The following GUCY2F variants were observed in gnomAD, a reference collection of about 807,000 sequenced individuals.
GUCY2F encodes the protein guanylate cyclase 2F, retinal.
GUCY2F carries 61 observed loss-of-function variants against 73.1 expected under a neutral mutation model. That is an observed-to-expected ratio of 0.83 (90% confidence interval 0.68 to 1.03). The LOEUF (loss-of-function observed/expected upper bound fraction) is 1.03, where lower values mean the gene tolerates loss of function less well. GUCY2F is among the 50% of genes least tolerant of loss of function. The pLI is 0.00. For synonymous variants in GUCY2F, 331 were observed against 307.8 expected (o/e 1.08, Z -0.79); for missense variants, 912 against 854.3 (o/e 1.07, Z -0.84).
chrX:109,390,671 C>T (rs1930539535), intron 14 of GUCY2F, among the ~76,000 whole-genome samples: 1 of 112,642 alleles, frequency 8.9e-6, no homozygotes, highest in Admixed American at 9.3e-5. Flanking sequence ...ACAGCCCACG[C>T]TGAATCATCT....
chrX:109,412,657 G>A (rs858161), intron 8 of GUCY2F, among the ~76,000 whole-genome samples: 2,870 of 112,510 alleles, frequency 0.026, 123 homozygotes, highest in Admixed American at 0.15. Flanking sequence ...CAACACAAAT[G>A]TATTTTCTCT....
chrX:109,465,045 G>T, intron 3 of GUCY2F, 97 bp downstream of exon 3: 1 of 600,720 alleles, frequency 1.7e-6, no homozygotes. Flanking sequence ...GCCATTGACT[G>T]GGCCTCCTAT....
At chrX:109,408,494 G>A (rs1931025452) in intron 9 of GUCY2F, among the ~76,000 whole-genome samples, 1 of 112,028 alleles carries the variant, frequency 8.9e-6, no homozygotes, top group Admixed American at 9.4e-5. Context: ...TTTGAAATGT[G>A]AGGACATGAG....
At chrX:109,378,580 C>T (rs186463934) in intron 17 of GUCY2F, among the ~76,000 whole-genome samples, 2 of 111,522 alleles carry the variant, frequency 1.8e-5, no homozygotes, top group African/African-American at 3.3e-5. Context: ...TACAATCTCA[C>T]TATTTCTTAA....
At chrX:109,377,620 C>A (rs1054956277) in intron 17 of GUCY2F, among the ~76,000 whole-genome samples, 2 of 111,717 alleles carry the variant, frequency 1.8e-5, no homozygotes, top group African/African-American at 6.5e-5. Flanking sequence ...AAACTCTCAG[C>A]CCTTGTGCAC....
At chrX:109,441,949 T>C (rs1931882379) in intron 6 of GUCY2F, among the ~76,000 whole-genome samples, 2 of 111,339 alleles carry the variant, frequency 1.8e-5, no homozygotes, top group Non-Finnish European at 3.8e-5. Context: ...CTCTCAGGAG[T>C]GGCTCTTTTT....
At chrX:109,454,719 T>C (rs1932221127) in intron 3 of GUCY2F, among the ~76,000 whole-genome samples, 1 of 111,769 alleles carries the variant, frequency 8.9e-6, no homozygotes, top group Admixed American at 9.5e-5. Context: ...TATCTTTTTT[T>C]CCAAAAAGGT....
intron 16 of GUCY2F, among the ~76,000 whole-genome samples, chrX:109,382,756 G>A (rs375710211): frequency 8.9e-6 from 1 of 112,276 alleles, no homozygotes; most frequent in Non-Finnish European, 1.9e-5. Flanking sequence ...TATAGCTGAC[G>A]TTTGGGTGGG....
Position 109,391,959 on chromosome X carries a change from G to A in GUCY2F, c.2733C>T (p.Asp911=). 8.3e-7 allele frequency: 1 copy of A among 1,208,314 alleles called. No homozygotes were observed. ...EPIEVVDLLN[D]LYTLFDAIIG... ...TTATTGCATCAAAGAGTGTGTACAG[G>A]TCATTCAGAAGATCCACGACCTCAA... Residue 911 remains aspartate, a synonymous_variant, in exon 14 of 20, where the codon GAC becomes GAT. Transcript: ENST00000218006.
At chrX:109,450,699 T>G (rs1343970519) in intron 5 of GUCY2F, among the ~76,000 whole-genome samples, 1 of 112,402 alleles carries the variant, frequency 8.9e-6, no homozygotes, top group Admixed American at 9.4e-5. Context: ...ATCAAGTGTT[T>G]TAACAATTCA....
In GUCY2F at chrX:109,480,916, GGGAA is replaced by G. The variant is rs761273929; in HGVS notation, c.-86+946_-86+949del. 9.4e-4 allele frequency among the ~76,000 whole-genome samples: 99 copies of G among 105,224 alleles called. 3 individuals are homozygous for G. Among genetic ancestry groups the G allele is most frequent in the African/African-American group, 2.0e-3 (58 of 28,802 alleles). 91.4% of individuals were successfully genotyped at this position (105,224 alleles called of 115,157 possible). A position where few individuals can be genotyped will look rare whatever the true frequency, so the allele number is the denominator to read the frequency against. Reference sequence around the variant, plus strand: ...TAAAAAAGAAAAAAGAAAAAAAGAAGGGAAGGAAGGAAGGAAGGGAGGAAGAGAG... The same window carrying G: ...TAAAAAAGAAAAAAGAAAAAAAGAAGGGAAGGAAGGAAGGGAGGAAGAGAG... On this transcript the variant is annotated intron_variant, in intron 1 of 19. Transcript: ENST00000218006.
intron 7 of GUCY2F, among the ~76,000 whole-genome samples, chrX:109,432,405 C>T (rs1931637502): frequency 9.0e-6 from 1 of 111,583 alleles, no homozygotes; most frequent in African/African-American, 3.3e-5. Context: ...TTAGCGGGAT[C>T]AAAGGCTACC....
At chrX:109,374,152 T>C (rs1930122973) in intron 19 of GUCY2F, among the ~76,000 whole-genome samples, 2 of 112,461 alleles carry the variant, frequency 1.8e-5, no homozygotes, top group Non-Finnish European at 3.8e-5. Flanking sequence ...GAATAGGTGG[T>C]GTTAGCAAGT....
intron 8 of GUCY2F, among the ~76,000 whole-genome samples, chrX:109,416,147 C>G (rs1931232471): frequency 9.2e-6 from 1 of 109,069 alleles, no homozygotes; most frequent in African/African-American, 3.3e-5. Flanking sequence ...AGTAATGAAC[C>G]AAAAAGCCTT....
At chrX:109,387,295 A>G (rs1271247096) in intron 15 of GUCY2F, among the ~76,000 whole-genome samples, 1 of 112,025 alleles carries the variant, frequency 8.9e-6, no homozygotes, top group East Asian at 2.8e-4. Context: ...AAAGAGAATG[A>G]CTCTCAAGAC....
At chrX:109,383,707 C>T (rs758861651) in intron 16 of GUCY2F, among the ~76,000 whole-genome samples, 1 of 112,101 alleles carries the variant, frequency 8.9e-6, no homozygotes, top group Non-Finnish European at 1.9e-5. Flanking sequence ...TAATAAACAC[C>T]TGCTGTGGGT....
chrX:109,477,689 T>C (rs1328868164), intron 1 of GUCY2F, among the ~76,000 whole-genome samples: 1 of 112,213 alleles, frequency 8.9e-6, no homozygotes, highest in Non-Finnish European at 1.9e-5. Context: ...ATCAAAATAA[T>C]GGCATAGCTT....
At chrX:109,476,099 A>C in intron 1 of GUCY2F, 78 bp from the exon 2 acceptor site, 3 of 81,977 alleles carry the variant, frequency 3.7e-5, no homozygotes, top group East Asian at 3.1e-4. Flanking sequence ...AAAGAATGGC[A>C]AAAAAAAAAA....
intron 7 of GUCY2F, among the ~76,000 whole-genome samples, chrX:109,440,336 G>C (rs1931841112): frequency 8.9e-6 from 1 of 111,778 alleles, no homozygotes; most frequent in South Asian, 3.7e-4. Context: ...TGATGAGAGA[G>C]GAGCCTTCAT....
Sources: gnomAD v4.1 joint callset for allele counts (sites outside exome capture counted in the v4.1 genomes callset) on GRCh38, gnomAD v4.1.1 for gene constraint, MANE v1.5 for transcripts, NCBI Gene and HGNC (gene_info 2026-07-23, HGNC 2026-07-21) for gene names.